PRPS2: variants seen among roughly 807,000 people sequenced by gnomAD.
The protein encoded by PRPS2 is phosphoribosyl pyrophosphate synthetase 2, also known as ribose-phosphate pyrophosphokinase 2.
For missense variants in PRPS2, 104 were observed against 271.5 expected (o/e 0.38, Z 4.34); for synonymous variants, 111 against 115.3 (o/e 0.96, Z 0.24).
intron 2 of PRPS2, among the ~76,000 whole-genome samples, chrX:12,805,464 G>C (rs1280636128): frequency 1.8e-5 from 2 of 111,835 alleles, no homozygotes; most frequent in African/African-American, 6.5e-5. Context: ...TGGGCCGTTG[G>C]GTATCTATTG....
intron 3 of PRPS2, among the ~76,000 whole-genome samples, 174 bp from the exon 4 acceptor site, chrX:12,809,848 T>C (rs1471638617): frequency 8.9e-6 from 1 of 112,498 alleles, no homozygotes; most frequent in East Asian, 2.7e-4. Flanking sequence ...CCCTATAACA[T>C]ATCTGTCTTT....
In PRPS2 at chrX:12,791,548, G is replaced by A; in HGVS notation, c.51G>A (p.Gln17=). 1 of 1,202,819 alleles carries A rather than the reference G, an allele frequency of 8.3e-7. No homozygotes were observed. The highest frequency in any genetic ancestry group is 1.1e-6 in the Non-Finnish European group (1 of 891,504). The stretch of plus-strand genomic sequence containing the variant: ...GCAGCTCGCATCAGGACCTGTCCCA[G>A]CGCGTGGCCGACCGCCTGGGCCTGG... The part of the protein sequence containing the change: ...FSGSSHQDLS[Q]RVADRLGLEL... Residue 17 remains glutamine (Q), a synonymous_variant, in exon 1 of 7, where the codon CAG becomes CAA. Transcript: ENST00000380668.
chrX:12,809,749 C>T (rs1427648223), intron 3 of PRPS2, among the ~76,000 whole-genome samples: 3 of 112,147 alleles, frequency 2.7e-5, no homozygotes, highest in African/African-American at 3.2e-5. Flanking sequence ...TTTCCCTCAC[C>T]GTCCTGCATA....
intron 6 of PRPS2, 120 bp downstream of exon 6, chrX:12,820,923 C>A: frequency 1.3e-6 from 1 of 798,306 alleles, no homozygotes; most frequent in African/African-American, 2.1e-5. Context: ...GCAGAGGCGG[C>A]AGCTTCTCAT....
chrX:12,809,698 A>G (rs1452041956), intron 3 of PRPS2, among the ~76,000 whole-genome samples: 1 of 112,308 alleles, frequency 8.9e-6, no homozygotes, highest in Non-Finnish European at 1.9e-5. Flanking sequence ...ATGAACGTGA[A>G]GTATTTGATT....
intron 2 of PRPS2, among the ~76,000 whole-genome samples, chrX:12,804,694 G>A (rs2042585331): frequency 9.0e-6 from 1 of 111,244 alleles, no homozygotes; most frequent in Non-Finnish European, 1.9e-5. Flanking sequence ...GGGGGTGAGG[G>A]TTAGGGGAAA....
chrX:12,793,172 TC>T (rs949774335), intron 1 of PRPS2, among the ~76,000 whole-genome samples: 1 of 112,570 alleles, frequency 8.9e-6, no homozygotes, highest in Non-Finnish European at 1.9e-5. Context: ...TAGTTTTTGT[TC>T]AGAAGGTGTC....
At chrX:12,813,410 G>A (rs775096830) in intron 4 of PRPS2, among the ~76,000 whole-genome samples, 194 of 112,348 alleles carry the variant, frequency 1.7e-3, no homozygotes, top group Non-Finnish European at 3.3e-3. Flanking sequence ...TTTTGTACAC[G>A]TGTGCTAGTA....
Position 12,820,574 on chromosome X carries a change from A to G in PRPS2, c.705-70A>G, listed in dbSNP as rs1012644751. 2.0e-5 allele frequency: 21 copies of G among 1,075,626 alleles called. No homozygotes were observed. The African/African-American group carries it at 3.9e-4, about 20-fold the overall frequency. 88.6% of individuals were successfully genotyped at this position (1,075,626 alleles called of 1,213,427 possible). Reference sequence around the variant, plus strand: ...ACGGAGCACACTTTGTGCTTTTACCATTCATACTAGGGGAGAGTATTCCAA... The same window carrying G: ...ACGGAGCACACTTTGTGCTTTTACCGTTCATACTAGGGGAGAGTATTCCAA... On this transcript the variant is annotated intron_variant, in intron 5 of 6. Transcript: ENST00000380668.
At chrX:12,821,389 G>A (rs751883220) in intron 6 of PRPS2, among the ~76,000 whole-genome samples, 25 of 108,353 alleles carry the variant, frequency 2.3e-4, no homozygotes, top group Non-Finnish European at 4.8e-4. Context: ...GCTTCTAGGA[G>A]GTACCTGAGA....
Position 12,823,056 on chromosome X carries a change from A to G in PRPS2, c.*260A>G. 1 of 308,056 alleles carries G rather than the reference A, an allele frequency of 3.2e-6. No homozygotes were observed. Among genetic ancestry groups the G allele is most frequent in the Non-Finnish European group, 5.6e-6 (1 of 177,916 alleles). 25.4% of individuals were successfully genotyped at this position (308,056 alleles called of 1,213,427 possible). Reference sequence around the variant, plus strand: ...AACGTTTTTGTCATTTTGACTTTTAACAGGTACAGGTGATCTCTTCCTTTG... The same window carrying G: ...AACGTTTTTGTCATTTTGACTTTTAGCAGGTACAGGTGATCTCTTCCTTTG... On this transcript the variant is annotated 3_prime_UTR_variant, in exon 7 of 7. Coordinates refer to ENST00000380668, the MANE Select transcript of PRPS2 (RefSeq NM_002765.5).
intron 6 of PRPS2, among the ~76,000 whole-genome samples, chrX:12,821,685 GATAGATAC>G (rs2042677076): frequency 9.0e-6 from 1 of 111,212 alleles, no homozygotes; most frequent in Non-Finnish European, 1.9e-5. Flanking sequence ...TAGATAAATA[GATAGATAC>G]ATAGATAGAT....
At chrX:12,814,601 T>C (rs1481225010) in intron 4 of PRPS2, among the ~76,000 whole-genome samples, 7 of 112,147 alleles carry the variant, frequency 6.2e-5, no homozygotes, top group African/African-American at 2.3e-4. Flanking sequence ...GCTTGACTCG[T>C]TCCGGGTAAA....
intron 2 of PRPS2, among the ~76,000 whole-genome samples, chrX:12,802,276 C>G (rs1178192925): frequency 8.9e-6 from 1 of 112,001 alleles, no homozygotes; most frequent in African/African-American, 3.2e-5. Flanking sequence ...CTCCCAGCCA[C>G]CACTAACAAG....
intron 4 of PRPS2, among the ~76,000 whole-genome samples, chrX:12,810,520 AT>A (rs779486288): frequency 1.1e-4 from 12 of 111,014 alleles, no homozygotes; most frequent in South Asian, 3.8e-4. Flanking sequence ...AAATAGAACA[AT>A]TTTTTTTTAA....
intron 4 of PRPS2, among the ~76,000 whole-genome samples, chrX:12,813,664 T>TA (rs1458589976): frequency 9.0e-6 from 1 of 111,180 alleles, no homozygotes; most frequent in Non-Finnish European, 1.9e-5. Context: ...TGGGTGAGGG[T>TA]AGTGCCCTCA....
At chrX:12,808,922 C>G (rs1182919184) in intron 2 of PRPS2, among the ~76,000 whole-genome samples, 2 of 112,090 alleles carry the variant, frequency 1.8e-5, no homozygotes, top group Non-Finnish European at 1.9e-5. Flanking sequence ...CCTTTTATTT[C>G]TACACACTTA....
intron 2 of PRPS2, among the ~76,000 whole-genome samples, chrX:12,808,439 T>TCA (rs1278780173): frequency 9.0e-6 from 1 of 111,698 alleles, no homozygotes; most frequent in African/African-American, 3.3e-5. Flanking sequence ...CTAGGTCTAA[T>TCA]CATGTGTCTA....
At position 12,823,813 on chromosome X, in the gene PRPS2, T is replaced by C. The variant is rs1395221016; in HGVS notation, c.*1017T>C. On this transcript the variant is annotated 3_prime_UTR_variant, in exon 7 of 7. Coordinates refer to ENST00000380668, the MANE Select transcript of PRPS2 (RefSeq NM_002765.5). ...GCCACACACAATGGAAATTCAGACC[T>C]TGACTATTTGGTGTTTCCAGTTCAC... The C allele has an allele frequency of 4.5e-5, 5 of 112,354 alleles. No homozygotes were observed. Among genetic ancestry groups the C allele is most frequent in the African/African-American group, 1.6e-4 (5 of 30,915 alleles). 9.3% of individuals were successfully genotyped at this position (112,354 alleles called of 1,213,427 possible).
Sources: gnomAD v4.1 joint callset for allele counts (sites outside exome capture counted in the v4.1 genomes callset) on GRCh38, gnomAD v4.1.1 for gene constraint, MANE v1.5 for transcripts, NCBI Gene and HGNC (gene_info 2026-07-23, HGNC 2026-07-21) for gene names.